NUBPL: variants seen among roughly 807,000 people sequenced by gnomAD.
NUBPL encodes the protein iron-sulfur cluster transfer protein NUBPL.
Under a neutral mutation model 45.7 loss-of-function variants are expected in NUBPL, and 31 were observed. The ratio of observed to expected loss-of-function variants is 0.68; its 90% CI spans 0.51 to 0.92. The LOEUF (loss-of-function observed/expected upper bound fraction) is 0.92, where lower values mean the gene tolerates loss of function less well. Among genes scored for constraint, NUBPL ranks in the 40% least tolerant of loss-of-function variants. The pLI is 0.00. For synonymous variants in NUBPL, 144 were observed against 140.9 expected (o/e 1.02, Z -0.15); for missense variants, 401 against 398.7 (o/e 1.01, Z -0.05).
At chr14:31,576,233 C>T (rs2033713731) in intron 3 of NUBPL, among the ~76,000 whole-genome samples, 1 of 152,138 alleles carries the variant, frequency 6.6e-6, no homozygotes, top group Non-Finnish European at 1.5e-5. Flanking sequence ...ATGGGGGATA[C>T]AAAATGGAAA....
chr14:31,844,583 C>G (rs1391861542), intron 8 of NUBPL: 2 of 152,104 alleles, frequency 1.3e-5, no homozygotes, highest in East Asian at 1.9e-4. Context: ...TACTATTTGT[C>G]TTCATATATA....
At position 31,673,453 on chromosome 14, in the gene NUBPL, A is replaced by C. The variant is rs557538167; in HGVS notation, c.423-31A>C. 11 of 1,607,490 alleles carry C rather than the reference A, an allele frequency of 6.8e-6. No individual in the cohort carries two copies. In the African/African-American group the frequency reaches 9.4e-5, roughly 14 times the overall value. ...AGAATAATGTTGATTAATTTATACA[A>C]ATTAGTTGTATTTTTATGTTACTGT... On this transcript the variant is annotated intron_variant, in intron 5 of 10. Coordinates refer to ENST00000281081, the MANE Select transcript of NUBPL (RefSeq NM_025152.3).
chr14:31,822,953 A>T (rs185980214), intron 7 of NUBPL, among the ~76,000 whole-genome samples: 13 of 152,256 alleles, frequency 8.5e-5, no homozygotes, highest in Admixed American at 5.9e-4. Flanking sequence ...CCTCTCTAGT[A>T]TCTTATAGCT....
intron 6 of NUBPL, among the ~76,000 whole-genome samples, chr14:31,711,530 C>T (rs1035226991): frequency 2.6e-5 from 4 of 151,994 alleles, no homozygotes; most frequent in African/African-American, 7.2e-5. Context: ...ATAGTCCCTT[C>T]GTGGTTGCAA....
intron 6 of NUBPL, among the ~76,000 whole-genome samples, chr14:31,737,968 C>A (rs1370684973): frequency 2.6e-5 from 4 of 152,102 alleles, no homozygotes; most frequent in African/African-American, 9.7e-5. Context: ...TGTAAGCACA[C>A]TTTTCACTTA....
At position 31,579,126 on chromosome 14, in the gene NUBPL, C is replaced by G. The variant is rs190958260; in HGVS notation, c.291+14078C>G. ...AGCCTTCTCCAAACCCTGGAAAAGC[C>G]TTTGCTCTCAAATTTGTGCTGGAAT... is the stretch of plus-strand genomic sequence containing the variant. On this transcript the variant is annotated intron_variant, in intron 3 of 10. Coordinates refer to ENST00000281081, the MANE Select transcript of NUBPL (RefSeq NM_025152.3). Among the ~76,000 whole-genome samples, 302 of 152,222 alleles carry G rather than the reference C, an allele frequency of 2.0e-3. 1 individual carries two copies. The highest frequency in any genetic ancestry group is 6.7e-3 in the African/African-American group (278 of 41,526).
intron 6 of NUBPL, among the ~76,000 whole-genome samples, chr14:31,763,500 G>A (rs951773221): frequency 6.6e-6 from 1 of 152,102 alleles, no homozygotes; most frequent in African/African-American, 2.4e-5. Context: ...CTTGATTAGG[G>A]AGGAGAGAGA....
At chr14:31,572,992 A>G (rs552678156) in intron 3 of NUBPL, among the ~76,000 whole-genome samples, 1 of 152,348 alleles carries the variant, frequency 6.6e-6, no homozygotes, top group Non-Finnish European at 1.5e-5. Flanking sequence ...TGCATAGGGC[A>G]CTTACCATGA....
At chr14:31,852,747 A>C (rs1053664157) in intron 10 of NUBPL, among the ~76,000 whole-genome samples, 1 of 152,186 alleles carries the variant, frequency 6.6e-6, no homozygotes, top group Admixed American at 6.5e-5. Context: ...CATCAAAGAC[A>C]TTAACTCCTA....
intron 6 of NUBPL, among the ~76,000 whole-genome samples, chr14:31,757,417 G>C (rs2038693419): frequency 6.6e-6 from 1 of 151,514 alleles, no homozygotes; most frequent in Non-Finnish European, 1.5e-5. Flanking sequence ...ACTTCTTCCT[G>C]GTTTAGTCTT....
At chr14:31,571,390 T>C (rs542718704) in intron 3 of NUBPL, among the ~76,000 whole-genome samples, 1 of 151,704 alleles carries the variant, frequency 6.6e-6, no homozygotes, top group African/African-American at 2.4e-5. Context: ...CTGTGTGAGC[T>C]AGCCTTGCTC....
At chr14:31,677,607 G>A (rs1197861903) in intron 6 of NUBPL, among the ~76,000 whole-genome samples, 2 of 152,210 alleles carry the variant, frequency 1.3e-5, no homozygotes, top group African/African-American at 2.4e-5. Flanking sequence ...GAATTCTCTG[G>A]ATTACCATTC....
intron 3 of NUBPL, 96 bp from the exon 4 acceptor site, chr14:31,599,193 T>G (rs1194552003): frequency 1.1e-6 from 1 of 904,326 alleles, no homozygotes; most frequent in African/African-American, 1.7e-5. Flanking sequence ...GTACTCAGAT[T>G]ACTGTTGCTA....
rs565256831 is a variant in NUBPL at position 31,572,066 on chromosome 14, A to G, written c.291+7018A>G. On this transcript the variant is annotated intron_variant, in intron 3 of 10. Coordinates refer to ENST00000281081, the MANE Select transcript of NUBPL (RefSeq NM_025152.3). ...ACCCAGAAAGTAAATGGCAGAGCTA[A>G]GGTTCGAATGCCAACCTAGATCCTG... Among the ~76,000 whole-genome samples the G allele has an allele frequency of 2.1e-3, 326 of 152,052 alleles. 1 individual carries two copies. The highest frequency in any genetic ancestry group is 7.5e-3 in the African/African-American group (312 of 41,500).
chr14:31,579,082 G>C (rs2033795078), intron 3 of NUBPL, among the ~76,000 whole-genome samples: 2 of 152,140 alleles, frequency 1.3e-5, no homozygotes, highest in South Asian at 4.1e-4. Context: ...ACTTTTTTCT[G>C]AGTAGATAAG....
At chr14:31,637,720 G>A (rs1474716543) in intron 4 of NUBPL, among the ~76,000 whole-genome samples, 2 of 152,180 alleles carry the variant, frequency 1.3e-5, no homozygotes, top group African/African-American at 2.4e-5. Context: ...TTGTGTGGGA[G>A]TCTAAGTCTC....
chr14:31,756,110 G>C (rs2038656562), intron 6 of NUBPL, among the ~76,000 whole-genome samples: 1 of 151,688 alleles, frequency 6.6e-6, no homozygotes, highest in Non-Finnish European at 1.5e-5. Flanking sequence ...TAGCCTTGTA[G>C]TATAGTTTGA....
intron 6 of NUBPL, among the ~76,000 whole-genome samples, chr14:31,682,704 A>G (rs1221195136): frequency 6.6e-6 from 1 of 152,184 alleles, no homozygotes; most frequent in Non-Finnish European, 1.5e-5. Context: ...TTTAGGGATT[A>G]TAATATGTTT....
intron 4 of NUBPL, among the ~76,000 whole-genome samples, chr14:31,617,000 G>A (rs913589465): frequency 6.6e-6 from 1 of 152,070 alleles, no homozygotes; most frequent in African/African-American, 2.4e-5. Context: ...TCCCTTGTAA[G>A]TTGTATTCCT....
Sources: gnomAD v4.1 joint callset for allele counts (sites outside exome capture counted in the v4.1 genomes callset) on GRCh38, gnomAD v4.1.1 for gene constraint, MANE v1.5 for transcripts, NCBI Gene and HGNC (gene_info 2026-07-23, HGNC 2026-07-21) for gene names.